Variants in TTC13 observed in about 807,000 individuals in gnomAD.
TTC13 encodes the protein tetratricopeptide repeat domain 13, also known as tetratricopeptide repeat protein 13.
In TTC13, 62 loss-of-function variants were observed where a neutral mutation model predicts 120.0. That is an observed-to-expected ratio of 0.52 (90% confidence interval 0.42 to 0.64). The LOEUF is 0.64. Among genes scored for constraint, TTC13 ranks in the 30% least tolerant of loss-of-function variants. The pLI is 0.00. For missense variants in TTC13, 824 were observed against 1,050.2 expected, an observed-to-expected ratio of 0.78 and a Z score of 2.98; for synonymous variants, 384 against 393.5, an observed-to-expected ratio of 0.98 and a Z score of 0.28.
intron 1 of TTC13, among the ~76,000 whole-genome samples, chr1:230,968,067 G>A (rs1218322727): frequency 1.3e-5 from 2 of 151,936 alleles, no homozygotes; most frequent in East Asian, 3.9e-4. Context: ...CTCTGCGCAT[G>A]CCTCTCATTC....
chr1:230,924,724 C>T, intron 14 of TTC13, 117 bp downstream of exon 14: 1 of 1,170,644 alleles, frequency 8.5e-7, no homozygotes, highest in Non-Finnish European at 1.2e-6. Context: ...GAAAACCTAA[C>T]TTGGAAGGCC....
chr1:230,924,427 G>A (rs1299532102), intron 14 of TTC13, among the ~76,000 whole-genome samples: 1 of 152,114 alleles, frequency 6.6e-6, no homozygotes, highest in African/African-American at 2.4e-5. Flanking sequence ...CCGCCTCCTG[G>A]GTTCACGCCA....
At position 230,933,689 on chromosome 1, in the gene TTC13, A is replaced by T. The variant is rs1214300137; in HGVS notation, c.983+90T>A. On this transcript the variant is annotated intron_variant, in intron 9 of 22. Coordinates refer to ENST00000366661, the MANE Select transcript of TTC13 (RefSeq NM_024525.5). Reference sequence around the variant, plus strand: ...AAATACCCATCTCCTTTGGTTAAGAAATACTATTTCTTTTAAATATTATGT... The same window carrying T: ...AAATACCCATCTCCTTTGGTTAAGATATACTATTTCTTTTAAATATTATGT... The T allele has an allele frequency of 4.4e-6, 3 of 679,840 alleles. No homozygotes were observed. In the African/African-American group the frequency reaches 5.5e-5, roughly 12 times the overall value. The allele number at this position is 679,840 out of a possible 1,614,324, so 42.1% of individuals were successfully genotyped here.
intron 17 of TTC13, among the ~76,000 whole-genome samples, chr1:230,917,570 A>G (rs1189974367): frequency 6.6e-6 from 1 of 152,170 alleles, no homozygotes; most frequent in East Asian, 1.9e-4. Context: ...GCAAAGTACC[A>G]ATATATCCGT....
intron 12 of TTC13, 97 bp downstream of exon 12, chr1:230,928,840 A>T: frequency 1.5e-6 from 2 of 1,318,250 alleles, no homozygotes; most frequent in Non-Finnish European, 2.1e-6. Flanking sequence ...ATTCTACCTC[A>T]CCCTCCCAAG....
At chr1:230,922,603 G>A (rs1261364985) in intron 15 of TTC13, among the ~76,000 whole-genome samples, 1 of 152,072 alleles carries the variant, frequency 6.6e-6, no homozygotes, top group Non-Finnish European at 1.5e-5. Context: ...TCACCACCAG[G>A]CGTAATGAGT....
chr1:230,929,756 A>C (rs1008685265), intron 11 of TTC13, among the ~76,000 whole-genome samples: 3 of 152,206 alleles, frequency 2.0e-5, no homozygotes, highest in Non-Finnish European at 4.4e-5. Flanking sequence ...TTGGGTATAT[A>C]ATTTCACCAA....
intron 4 of TTC13, among the ~76,000 whole-genome samples, chr1:230,947,007 G>T (rs1675065704): frequency 6.6e-6 from 1 of 152,024 alleles, no homozygotes; most frequent in Non-Finnish European, 1.5e-5. Flanking sequence ...TTCCTCTGGG[G>T]AGTGAGATTA....
At chr1:230,977,705 T>C (rs1016747784) in intron 1 of TTC13, among the ~76,000 whole-genome samples, 1 of 152,018 alleles carries the variant, frequency 6.6e-6, no homozygotes, top group Non-Finnish European at 1.5e-5. Context: ...AAGCAAGCCA[T>C]AAGGGAACTC....
In TTC13 at chr1:230,940,503, A is replaced by G; in HGVS notation, c.726T>C (p.Ala242=). 6.2e-7 allele frequency: 1 copy of G among 1,613,942 alleles called. No homozygotes were observed. Among genetic ancestry groups the G allele is most frequent in the Non-Finnish European group, 8.5e-7 (1 of 1,179,944 alleles). ...INEAVNDLTK[A]IQLQPSARLY... The stretch of plus-strand genomic sequence containing the variant: ...GCCGTGCTGAGGGCTGCAGTTGGAT[A>G]GCTTTAGTGAGGTCATTCACTGCTT... Residue 242 remains alanine, a synonymous_variant, in exon 7 of 23, where the codon GCT becomes GCC. Transcript: ENST00000366661. The surrounding 1 kb of genome is among the most constrained non-coding windows in gnomAD (Gnocchi z 4.1).
At chr1:230,931,687 G>A (rs372799102) in intron 10 of TTC13, 49 bp downstream of exon 10, 12 of 1,599,028 alleles carry the variant, frequency 7.5e-6, no homozygotes, top group Middle Eastern at 1.7e-4. Flanking sequence ...CTTCAATGAA[G>A]AATAATCCAG....
Position 230,911,516 on chromosome 1 carries a change from A to G in TTC13, c.2263T>C (p.Leu755=), listed in dbSNP as rs1229079788. The change falls in exon 20 of 23, where the codon TTA becomes CTA. Residue 755 remains leucine (L), a synonymous_variant. Coordinates refer to ENST00000366661, the MANE Select transcript of TTC13 (RefSeq NM_024525.5). ...ADAVCNLILS[L]VYYFYNLMPL... is the part of the protein sequence containing the mutation. ...ATTAAATTATAAAAGTAATAAACTA[A>G]GGATAAGATTAAGTTGCAGACAGCA... 6.8e-6 allele frequency: 11 copies of G among 1,607,738 alleles called. No homozygotes were observed. The highest frequency in any genetic ancestry group is 9.3e-6 in the Non-Finnish European group (11 of 1,177,206).
chr1:230,932,160 T>G (rs1673617510), intron 9 of TTC13, among the ~76,000 whole-genome samples: 1 of 152,214 alleles, frequency 6.6e-6, no homozygotes, highest in African/African-American at 2.4e-5. Context: ...TTATTCACAA[T>G]GAGTCCCAAA....
Position 230,978,822 on chromosome 1 carries a change from A to T in TTC13, c.9T>A (p.Pro3=). ...AGCAGCAGCAGCAGCAGCAGCCGGC[A>T]GGTGCCATCTTCCCTCAAGGCGCAT... is the stretch of plus-strand genomic sequence containing the variant. MA[P]AGCCCCCCFW... is the part of the protein sequence containing the mutation. Residue 3 remains proline (P), a synonymous_variant, in exon 1 of 23, where the codon CCT becomes CCA. Transcript: ENST00000366661. The surrounding 1 kb of genome is among the most constrained non-coding windows in gnomAD (Gnocchi z 5.6). 2.0e-6 allele frequency: 3 copies of T among 1,480,992 alleles called. No individual in the cohort carries two copies. Among genetic ancestry groups the T allele is most frequent in the East Asian group, 2.7e-5 (1 of 36,728 alleles). 91.7% of individuals were successfully genotyped at this position (1,480,992 alleles called of 1,614,324 possible).
rs114508011 is a variant in TTC13, at chr1:230,978,674, A to C, written c.157T>G (p.Ser53Ala). Residue 53 changes from serine to alanine, a missense_variant, in exon 1 of 23, where the codon TCC becomes GCC. Around this residue, in one of 4 missense-constraint regions of TTC13, gnomAD observed 160 missense variants for 137.2 expected, o/e 1.17. Transcript: ENST00000366661. The surrounding 1 kb of genome is among the most constrained non-coding windows in gnomAD (Gnocchi z 5.6). ...ALATEHYSPL[S>A]LLKQELQHRQ... is the part of the protein sequence containing the mutation. The stretch of plus-strand genomic sequence containing the variant: ...TGCTGCAGCTCCTGCTTGAGCAGGG[A>C]GAGCGGCGAGTAGTGCTCGGTGGCC... 0.063 allele frequency: 93,164 copies of C among 1,485,940 alleles called. 3,268 individuals carry two copies. Among genetic ancestry groups the C allele is most frequent in the Non-Finnish European group, 0.073 (82,045 of 1,126,106 alleles). The allele number at this position is 1,485,940 out of a possible 1,614,324, so 92.0% of individuals were successfully genotyped here.
intron 12 of TTC13, among the ~76,000 whole-genome samples, chr1:230,927,282 T>C (rs1168728699): frequency 6.6e-6 from 1 of 152,190 alleles, no homozygotes. Context: ...TATGAGAATA[T>C]TCAGCTTTAC....
At position 230,940,897 on chromosome 1, in the gene TTC13, GA is replaced by G. The variant is rs1254326620; in HGVS notation, c.673-342del. On this transcript the variant is annotated intron_variant, in intron 6 of 22. Transcript: ENST00000366661. The surrounding 1 kb of genome is among the most constrained non-coding windows in gnomAD (Gnocchi z 4.1). ...TCAAAATTTGGCATCTATACACAAA[GA>G]TGTCAAAATTAACCTGAAAGATAAC... Among the ~76,000 whole-genome samples, 3 of 152,166 alleles carry G rather than the reference GA, an allele frequency of 2.0e-5. No homozygotes were observed. The highest frequency in any genetic ancestry group is 7.2e-5 in the African/African-American group (3 of 41,438).
intron 1 of TTC13, among the ~76,000 whole-genome samples, chr1:230,977,976 T>TA (rs1678517717): frequency 6.6e-6 from 1 of 152,262 alleles, no homozygotes; most frequent in African/African-American, 2.4e-5. Flanking sequence ...AGGTTGATCT[T>TA]AAACAACTGG....
chr1:230,942,336 G>C lies in TTC13; in HGVS notation c.672+1470C>G, dbSNP rs999159594. Among the ~76,000 whole-genome samples the C allele has an allele frequency of 3.3e-5, 5 of 152,148 alleles. No individual in the cohort carries two copies. The highest frequency in any genetic ancestry group is 7.3e-5 in the Non-Finnish European group (5 of 68,032). ...ACTAAATACCAGCAAGTCTCATGCA[G>C]TGATAAACTATAGTCACTTAACCCT... On this transcript the variant is annotated intron_variant, in intron 6 of 22. Transcript: ENST00000366661. The surrounding 1 kb of genome is among the most constrained non-coding windows in gnomAD (Gnocchi z 4.0).
Sources: allele counts gnomAD v4.1 joint callset (sites outside exome capture counted in the v4.1 genomes callset), GRCh38; gene constraint gnomAD v4.1.1; regional missense constraint gnomAD v4.1.1; non-coding constraint Gnocchi (gnomAD v3.1); transcripts MANE v1.5; gene names NCBI Gene and HGNC (gene_info 2026-07-23, HGNC 2026-07-21).